JAZF1: variants seen among roughly 807,000 people sequenced by gnomAD.
JAZF1 encodes the protein JAZF zinc finger 1.
In JAZF1, 8 loss-of-function variants were observed where a neutral mutation model predicts 26.4. The ratio of observed to expected loss-of-function variants is 0.30; its 90% CI spans 0.18 to 0.55. JAZF1 has a LOEUF of 0.55. Ranked by LOEUF, JAZF1 falls within the 20% of genes least tolerant of loss-of-function variation. The pLI, the probability that JAZF1 is intolerant of heterozygous loss-of-function variation, is 0.94. For synonymous variants in JAZF1, 126 were observed against 122.3 expected (o/e 1.03, Z -0.20); for missense variants, 199 against 322.0 (o/e 0.62, Z 2.92).
intron 2 of JAZF1, among the ~76,000 whole-genome samples, chr7:27,969,372 C>T (rs1785334595): frequency 6.6e-6 from 1 of 151,982 alleles, no homozygotes; most frequent in African/African-American, 2.4e-5. Flanking sequence ...TACACAGGGC[C>T]ATGTTGTCAC....
At chr7:28,145,895 G>C (rs189037585) in intron 1 of JAZF1, among the ~76,000 whole-genome samples, 25 of 152,266 alleles carry the variant, frequency 1.6e-4, no homozygotes, top group Admixed American at 5.9e-4. Context: ...CTTTGTGTGT[G>C]ACTTCTTTCA....
intron 1 of JAZF1, among the ~76,000 whole-genome samples, chr7:28,119,507 C>A (rs1359400778): frequency 6.6e-6 from 1 of 152,100 alleles, no homozygotes; most frequent in Non-Finnish European, 1.5e-5. Context: ...CTCCATCCTG[C>A]CCGTCCTTTT....
intron 1 of JAZF1, among the ~76,000 whole-genome samples, chr7:28,013,565 T>C (rs564153477): frequency 2.0e-5 from 3 of 152,238 alleles, no homozygotes; most frequent in African/African-American, 7.2e-5. Context: ...GTGACGATGA[T>C]GCTGCTGACT....
chr7:27,905,857 A>G (rs1784246721), intron 2 of JAZF1, among the ~76,000 whole-genome samples: 1 of 152,184 alleles, frequency 6.6e-6, no homozygotes, highest in Admixed American at 6.5e-5. Context: ...TGAGATTATG[A>G]TAACAGAACA....
chr7:27,892,634 C>A (rs569005145), intron 3 of JAZF1, among the ~76,000 whole-genome samples: 4 of 152,046 alleles, frequency 2.6e-5, no homozygotes, highest in African/African-American at 9.7e-5. Flanking sequence ...AAGAGGATTG[C>A]GGAATTACAC....
chr7:28,005,568 G>C (rs1321951879), intron 1 of JAZF1, among the ~76,000 whole-genome samples: 2 of 152,228 alleles, frequency 1.3e-5, no homozygotes, highest in African/African-American at 4.8e-5. Context: ...AGGCTGGCTA[G>C]AGCATTATGC....
At chr7:27,956,079 A>C (rs1474350822) in intron 2 of JAZF1, among the ~76,000 whole-genome samples, 1 of 152,196 alleles carries the variant, frequency 6.6e-6, no homozygotes, top group Non-Finnish European at 1.5e-5. Flanking sequence ...GGGTGGGATG[A>C]GGTAGCAGAG....
intron 4 of JAZF1, among the ~76,000 whole-genome samples, chr7:27,834,700 G>T (rs1349202931): frequency 6.6e-6 from 1 of 152,210 alleles, no homozygotes; most frequent in Admixed American, 6.5e-5. Flanking sequence ...TCCCCTCCGA[G>T]GCCCAGGCAC....
intron 1 of JAZF1, among the ~76,000 whole-genome samples, chr7:28,179,553 C>A (rs963021060): frequency 6.6e-6 from 1 of 151,696 alleles, no homozygotes; most frequent in African/African-American, 2.4e-5. Flanking sequence ...AATGCCCGGC[C>A]ATGGGCCCTG....
intron 1 of JAZF1, among the ~76,000 whole-genome samples, chr7:28,141,806 C>T (rs1279176359): frequency 3.9e-5 from 6 of 152,140 alleles, no homozygotes; most frequent in African/African-American, 1.2e-4. Context: ...TTTCTAGTAT[C>T]TTCATCAGTA....
intron 1 of JAZF1, among the ~76,000 whole-genome samples, chr7:28,159,056 C>T (rs912751606): frequency 2.0e-5 from 3 of 151,846 alleles, no homozygotes; most frequent in Admixed American, 6.6e-5. Context: ...GGGAGAGAGA[C>T]GCTGAACAAA....
intron 1 of JAZF1, among the ~76,000 whole-genome samples, chr7:28,175,703 G>C (rs780600825): frequency 3.3e-5 from 5 of 152,198 alleles, no homozygotes; most frequent in Non-Finnish European, 7.3e-5. Context: ...TCGTGTGAGG[G>C]GAGGTGAGGA....
chr7:27,852,886 G>A (rs775167607), intron 3 of JAZF1, among the ~76,000 whole-genome samples: 1 of 152,118 alleles, frequency 6.6e-6, no homozygotes, highest in Non-Finnish European at 1.5e-5. Context: ...CACCTTGGTC[G>A]ATGGAAGCCC....
At chr7:27,960,858 G>A (rs1785174436) in intron 2 of JAZF1, among the ~76,000 whole-genome samples, 1 of 152,156 alleles carries the variant, frequency 6.6e-6, no homozygotes, top group African/African-American at 2.4e-5. Flanking sequence ...AGCAGCAGAG[G>A]GGAGATGCTG....
intron 1 of JAZF1, among the ~76,000 whole-genome samples, chr7:28,169,587 A>G (rs1239981896): frequency 6.6e-6 from 1 of 152,214 alleles, no homozygotes. Flanking sequence ...AGGACAAGAG[A>G]GGCCTAGAAA....
intron 1 of JAZF1, among the ~76,000 whole-genome samples, chr7:28,152,981 G>A (rs949114961): frequency 1.2e-4 from 19 of 152,150 alleles, no homozygotes; most frequent in Admixed American, 3.3e-4. Flanking sequence ...TCACAAAGCC[G>A]TATTATATAG....
At chr7:27,843,281 C>T (rs1211234949) in intron 3 of JAZF1, 1 of 152,258 alleles carries the variant, frequency 6.6e-6, no homozygotes, top group Non-Finnish European at 1.5e-5. Flanking sequence ...TGACAGAGAA[C>T]ATCAACACAG....
chr7:28,018,389 C>T (rs1457509513), intron 1 of JAZF1, among the ~76,000 whole-genome samples: 2 of 152,270 alleles, frequency 1.3e-5, no homozygotes, highest in South Asian at 2.1e-4. Flanking sequence ...TGGAAAGACA[C>T]AGGACAGTCT....
chr7:27,910,045 C>T (rs1784334246), intron 2 of JAZF1, among the ~76,000 whole-genome samples: 1 of 152,174 alleles, frequency 6.6e-6, no homozygotes, highest in Non-Finnish European at 1.5e-5. Context: ...AGGAGGAGCA[C>T]TGTTATATAG....
Sources: gnomAD v4.1 joint callset for allele counts (sites outside exome capture counted in the v4.1 genomes callset) on GRCh38, gnomAD v4.1.1 for gene constraint, MANE v1.5 for transcripts, NCBI Gene and HGNC (gene_info 2026-07-23, HGNC 2026-07-21) for gene names.